Variants in SRC observed in about 807,000 individuals in gnomAD.
SRC encodes SRC proto-oncogene, non-receptor tyrosine kinase, also known as proto-oncogene tyrosine-protein kinase Src.
Under a neutral mutation model 62.9 loss-of-function variants are expected in SRC, and 13 were observed. That is an observed-to-expected ratio of 0.21 (90% CI 0.13 to 0.33). SRC has a LOEUF of 0.33. SRC is among the 10% of genes least tolerant of loss of function. The probability of loss-of-function intolerance (pLI) is 1.00; values close to 1 mark genes in which losing one functional copy is unlikely to be tolerated. For missense variants in SRC, 457 were observed against 737.3 expected (o/e 0.62, Z 4.40); for synonymous variants, 302 against 317.5 (o/e 0.95, Z 0.52).
At chr20:37,368,518 CTTTTTTTTTTTTTTTTTTTTTTTTTG>C (rs2070104479) in intron 2 of SRC, among the ~76,000 whole-genome samples, 43 of 73,920 alleles carry the variant, frequency 5.8e-4, no homozygotes, top group Admixed American at 4.1e-3. Context: ...CCTATATTTT[CTTTTTTTTTTTTTTTTTTTTTTTTTG>C]TTTTTTTTTT....
At chr20:37,395,615 C>A (rs2070632342) in intron 7 of SRC, among the ~76,000 whole-genome samples, 1 of 152,190 alleles carries the variant, frequency 6.6e-6, no homozygotes, top group Non-Finnish European at 1.5e-5. Flanking sequence ...AAGCCTCTGC[C>A]AACCACCCCC....
In SRC at chr20:37,398,426, G is replaced by A. The variant is rs2070690182; in HGVS notation, c.859+572G>A. On this transcript the variant is annotated intron_variant, in intron 9 of 13. Transcript: ENST00000373578. The surrounding 1 kb of genome is among the most constrained non-coding windows in gnomAD (Gnocchi z 5.2). ...CTCACACGGAGGGACCGGAGGCCAG[G>A]GTGGAGGAGAGACGGCGGTTGTAAC... is the stretch of plus-strand genomic sequence containing the variant. Among the ~76,000 whole-genome samples, 1 of 152,234 alleles carries A rather than the reference G, an allele frequency of 6.6e-6. No individual in the cohort carries two copies. Among genetic ancestry groups the A allele is most frequent in the Admixed American group, 6.5e-5 (1 of 15,290 alleles).
chr20:37,354,684 T>G (rs1179957292), intron 1 of SRC, among the ~76,000 whole-genome samples: 2 of 152,150 alleles, frequency 1.3e-5, no homozygotes, highest in Non-Finnish European at 2.9e-5. Flanking sequence ...TTGTGCCAAG[T>G]CCTCAAGGCT....
rs2070799252 is a variant in SRC, at chr20:37,404,774, C to T, written c.*1395C>T. 8.6e-6 allele frequency: 2 copies of T among 233,486 alleles called. No individual in the cohort carries two copies. Among genetic ancestry groups the T allele is most frequent in the East Asian group, 1.2e-4 (2 of 16,606 alleles). The allele number at this position is 233,486 out of a possible 1,614,324, so 14.5% of individuals were successfully genotyped here. A position where few individuals can be genotyped will look rare whatever the true frequency, so the allele number is the denominator to read the frequency against. On this transcript the variant is annotated 3_prime_UTR_variant, in exon 14 of 14. Transcript: ENST00000373578. Reference sequence around the variant, plus strand: ...GGGACATCAGGAGACTGGGCTCTGGCTCTGTTCGGCCTTTGGGTGTGTGGT... The same window carrying T: ...GGGACATCAGGAGACTGGGCTCTGGTTCTGTTCGGCCTTTGGGTGTGTGGT...
intron 9 of SRC, among the ~76,000 whole-genome samples, chr20:37,399,804 C>A (rs549434846): frequency 6.6e-6 from 1 of 152,332 alleles, no homozygotes; most frequent in South Asian, 2.1e-4. Flanking sequence ...CCTCGGCCCC[C>A]TAAAGTGCTG....
intron 10 of SRC, 35 bp downstream of exon 10, chr20:37,400,329 C>T: frequency 6.4e-7 from 1 of 1,566,388 alleles, no homozygotes; most frequent in Non-Finnish European, 8.7e-7. Context: ...GGGGCAGGGG[C>T]ACTCCGGACA....
intron 1 of SRC, among the ~76,000 whole-genome samples, chr20:37,352,198 A>G (rs973586794): frequency 3.3e-5 from 5 of 152,256 alleles, no homozygotes; most frequent in African/African-American, 1.2e-4. Flanking sequence ...CAGCTTTGAC[A>G]AGATGGCATG....
chr20:37,390,699 G>A (rs953451987), intron 5 of SRC, among the ~76,000 whole-genome samples: 1 of 152,012 alleles, frequency 6.6e-6, no homozygotes, highest in Non-Finnish European at 1.5e-5. Flanking sequence ...GCCACCGTGC[G>A]CTGTCTGTTC....
chr20:37,390,241 G>A (rs1216027096), intron 5 of SRC, among the ~76,000 whole-genome samples: 1 of 152,158 alleles, frequency 6.6e-6, no homozygotes, highest in African/African-American at 2.4e-5. Context: ...AGATCACACA[G>A]CAAATCCTTG....
chr20:37,398,356 C>T lies in SRC; in HGVS notation c.859+502C>T, dbSNP rs1461971086. ...GAAACAGCAAAGCATGAGCACCGTGCAGCCCTGACAAAACCCAGGCCCCTC... is the reference window on the plus strand; with the variant it reads ...GAAACAGCAAAGCATGAGCACCGTGTAGCCCTGACAAAACCCAGGCCCCTC... On this transcript the variant is annotated intron_variant, in intron 9 of 13. Transcript: ENST00000373578. This position sits in a 1 kb window ranked among gnomAD's most constrained non-coding sequence, Gnocchi z 5.2. Among the ~76,000 whole-genome samples, 1 of 152,236 alleles carries T rather than the reference C, an allele frequency of 6.6e-6. No homozygotes were observed. Among genetic ancestry groups the T allele is most frequent in the African/African-American group, 2.4e-5 (1 of 41,456 alleles).
chr20:37,385,884 G>A (rs936274547), intron 4 of SRC, among the ~76,000 whole-genome samples, 191 bp from the exon 5 acceptor site: 2 of 152,272 alleles, frequency 1.3e-5, no homozygotes, highest in Admixed American at 1.3e-4. Flanking sequence ...ACACGCCCTT[G>A]CAGGGATGCG....
At chr20:37,385,403 C>T (rs2070438419) in intron 4 of SRC, among the ~76,000 whole-genome samples, 1 of 152,170 alleles carries the variant, frequency 6.6e-6, no homozygotes, top group Non-Finnish European at 1.5e-5. Flanking sequence ...GCTGCCCGGG[C>T]CCCAGCGGTG....
chr20:37,386,739 G>T (rs2070461972), intron 5 of SRC, among the ~76,000 whole-genome samples: 1 of 152,044 alleles, frequency 6.6e-6, no homozygotes, highest in African/African-American at 2.4e-5. Flanking sequence ...CTCCCATTCT[G>T]CCCCGTCAGC....
At chr20:37,394,665 C>G (rs767368961) in intron 7 of SRC, among the ~76,000 whole-genome samples, 17 of 152,138 alleles carry the variant, frequency 1.1e-4, no homozygotes, top group Non-Finnish European at 2.1e-4. Flanking sequence ...TTGCCCTCCC[C>G]CAACTGCAGT....
intron 3 of SRC, 99 bp downstream of exon 3, chr20:37,382,885 G>C (rs1295005442): frequency 1.3e-5 from 2 of 152,342 alleles, no homozygotes; most frequent in East Asian, 3.8e-4. Flanking sequence ...TGGGGAAATG[G>C]GAGGCAGAGG....
chr20:37,354,465 G>A (rs77386712), intron 1 of SRC, among the ~76,000 whole-genome samples: 3,582 of 152,314 alleles, frequency 0.024, 67 homozygotes, highest in Middle Eastern at 0.037. Context: ...CAGCTGCAGG[G>A]ACGGACTTCC....
intron 2 of SRC, among the ~76,000 whole-genome samples, chr20:37,369,364 CT>C: frequency 6.6e-6 from 1 of 152,256 alleles, no homozygotes; most frequent in Non-Finnish European, 1.5e-5. Context: ...AAGTTTTATA[CT>C]TTCATTAATC....
At chr20:37,370,096 G>A (rs2070138359) in intron 2 of SRC, among the ~76,000 whole-genome samples, 3 of 152,134 alleles carry the variant, frequency 2.0e-5, no homozygotes, top group Admixed American at 2.0e-4. Context: ...CACCACACCC[G>A]GCCTAGCCGT....
Position 37,384,241 on chromosome 20 carries a change from G to T in SRC, c.88G>T (p.Gly30Cys). ...PAENVHGAGG[G>C]AFPASQTPSK... ...CGAGAACGTGCACGGCGCTGGCGGGGGCGCTTTCCCCGCCTCGCAGACCCC... is the reference window on the plus strand; with the variant it reads ...CGAGAACGTGCACGGCGCTGGCGGGTGCGCTTTCCCCGCCTCGCAGACCCC... The change falls in exon 4 of 14, where the codon GGC (glycine) becomes TGC (cysteine). Residue 30 changes from glycine (G) to cysteine (C), a missense_variant. By Grantham distance (159) the Gly-to-Cys change is radical. Transcript: ENST00000373578. The surrounding 1 kb of genome is among the most constrained non-coding windows in gnomAD (Gnocchi z 6.7). 6.4e-7 allele frequency: 1 copy of T among 1,570,066 alleles called. No homozygotes were observed.
Sources: gnomAD v4.1 joint callset for allele counts (sites outside exome capture counted in the v4.1 genomes callset) on GRCh38, gnomAD v4.1.1 for gene constraint, Gnocchi (gnomAD v3.1) non-coding constraint, MANE v1.5 for transcripts, NCBI Gene and HGNC (gene_info 2026-07-23, HGNC 2026-07-21) for gene names.